AGBL4: variants seen among roughly 807,000 people sequenced by gnomAD.
AGBL4 encodes the protein AGBL carboxypeptidase 4, also known as cytosolic carboxypeptidase 6.
In AGBL4, 58 loss-of-function variants were observed where a neutral mutation model predicts 66.4. That is an observed-to-expected ratio of 0.87 (90% CI 0.71 to 1.09). AGBL4 has a LOEUF of 1.09. AGBL4 is among the 50% of genes least tolerant of loss of function. The pLI, the probability that AGBL4 is intolerant of heterozygous loss-of-function variation, is 0.00. For missense variants in AGBL4, 579 were observed against 631.0 expected, an observed-to-expected ratio of 0.92 and a Z score of 0.88; for synonymous variants, 234 against 222.9, an observed-to-expected ratio of 1.05 and a Z score of -0.44.
intron 3 of AGBL4, among the ~76,000 whole-genome samples, chr1:49,618,668 A>T (rs1194122358): frequency 6.6e-6 from 1 of 152,194 alleles, no homozygotes; most frequent in African/African-American, 2.4e-5. Flanking sequence ...CAACAACAAA[A>T]AAAGAGTATT....
chr1:49,260,256 G>A (rs1287283216), intron 3 of AGBL4, among the ~76,000 whole-genome samples: 1 of 151,638 alleles, frequency 6.6e-6, no homozygotes, highest in African/African-American at 2.4e-5. Context: ...AACTAGAAAA[G>A]CAAGAGCAAA....
chr1:49,037,355 G>C (rs551877482), intron 5 of AGBL4, among the ~76,000 whole-genome samples: 1 of 152,060 alleles, frequency 6.6e-6, no homozygotes, highest in African/African-American at 2.4e-5. Flanking sequence ...TTATCAGGAA[G>C]GTAAGCTGCC....
intron 3 of AGBL4, among the ~76,000 whole-genome samples, chr1:49,383,380 C>T (rs1306841294): frequency 1.3e-5 from 2 of 152,148 alleles, no homozygotes; most frequent in African/African-American, 4.8e-5. Context: ...AAGCCTGACA[C>T]TTTCTGAATT....
intron 3 of AGBL4, among the ~76,000 whole-genome samples, chr1:49,556,884 C>T (rs1021938876): frequency 3.9e-5 from 6 of 152,098 alleles, no homozygotes; most frequent in Admixed American, 6.5e-5. Flanking sequence ...AATTCAAGCG[C>T]GGCGCGGGTG....
chr1:48,800,528 C>A (rs1465272734), intron 6 of AGBL4, among the ~76,000 whole-genome samples: 9 of 152,092 alleles, frequency 5.9e-5, no homozygotes, highest in Non-Finnish European at 1.0e-4. Context: ...TTTTCTTCTG[C>A]TGGTTTTACA....
At chr1:50,012,468 T>C (rs2148439164) in intron 1 of AGBL4, among the ~76,000 whole-genome samples, 1 of 151,964 alleles carries the variant, frequency 6.6e-6, no homozygotes, top group African/African-American at 2.4e-5. Context: ...CTAATAAATA[T>C]ATACACCTAC....
At position 49,520,984 on chromosome 1, in the gene AGBL4, T is replaced by C. The variant is rs142464778; in HGVS notation, c.282+176329A>G. Reference sequence around the variant, plus strand: ...CCATCACACCCAACTAATTTTTGTATTTTTAGTAGACACGGGGTTTCACCA... The same window carrying C: ...CCATCACACCCAACTAATTTTTGTACTTTTAGTAGACACGGGGTTTCACCA... On this transcript the variant is annotated intron_variant, in intron 3 of 13. Coordinates refer to ENST00000371839, the MANE Select transcript of AGBL4 (RefSeq NM_032785.4). Among the ~76,000 whole-genome samples, 129 of 152,078 alleles carry C rather than the reference T, an allele frequency of 8.5e-4. 2 individuals carry two copies. In the East Asian group the frequency reaches 0.02, roughly 23 times the overall value.
chr1:48,850,670 A>G (rs1647013477), intron 6 of AGBL4, among the ~76,000 whole-genome samples: 1 of 152,092 alleles, frequency 6.6e-6, no homozygotes, highest in Admixed American at 6.5e-5. Context: ...GACTACTGGC[A>G]TGTGCCACAA....
At chr1:48,816,619 G>A (rs1285311621) in intron 6 of AGBL4, among the ~76,000 whole-genome samples, 1 of 152,134 alleles carries the variant, frequency 6.6e-6, no homozygotes, top group Non-Finnish European at 1.5e-5. Flanking sequence ...TTCCCTCAAG[G>A]ATTATGGTAA....
chr1:48,634,748 A>G (rs1645642841), intron 8 of AGBL4, 144 bp from the exon 9 acceptor site: 2 of 563,812 alleles, frequency 3.5e-6, no homozygotes, highest in Non-Finnish European at 6.1e-6. Flanking sequence ...AGTACTTTAT[A>G]TGAGTTAATT....
intron 3 of AGBL4, among the ~76,000 whole-genome samples, chr1:49,463,546 A>G (rs551003722): frequency 1.3e-5 from 2 of 151,876 alleles, no homozygotes; most frequent in Admixed American, 1.3e-4. Context: ...TTTTAAGATA[A>G]AAAGGATGTT....
At chr1:49,029,102 TG>T (rs1663989330) in intron 5 of AGBL4, among the ~76,000 whole-genome samples, 1 of 152,138 alleles carries the variant, frequency 6.6e-6, no homozygotes, top group African/African-American at 2.4e-5. Context: ...CCAAAGCTAA[TG>T]TCATATTTAA....
At chr1:49,337,294 G>A (rs1045307854) in intron 3 of AGBL4, among the ~76,000 whole-genome samples, 4 of 152,142 alleles carry the variant, frequency 2.6e-5, no homozygotes, top group African/African-American at 9.7e-5. Context: ...GCAGAGATCT[G>A]CAGACAGACA....
In AGBL4 at chr1:49,597,743, T is replaced by C. The variant is rs72901844; in HGVS notation, c.282+99570A>G. On this transcript the variant is annotated intron_variant, in intron 3 of 13. Transcript: ENST00000371839. The stretch of plus-strand genomic sequence containing the variant: ...GTCAAGATCTCCTTCACATCCCTTG[T>C]AGGTTGTATTTATAGGTATTTTATT... 8.7e-3 allele frequency among the ~76,000 whole-genome samples: 1,329 copies of C among 152,308 alleles called. 15 individuals are homozygous for C. The highest frequency in any genetic ancestry group is 0.031 in the African/African-American group (1,273 of 41,566).
intron 3 of AGBL4, among the ~76,000 whole-genome samples, chr1:49,486,993 A>G (rs1647081799): frequency 6.6e-6 from 1 of 152,076 alleles, no homozygotes; most frequent in South Asian, 2.1e-4. Flanking sequence ...TAGAAAATAT[A>G]TTAGTCAATA....
intron 5 of AGBL4, among the ~76,000 whole-genome samples, chr1:48,899,070 A>T (rs1421746349): frequency 6.6e-6 from 1 of 152,180 alleles, no homozygotes; most frequent in African/African-American, 2.4e-5. Flanking sequence ...GCTGGGCCTG[A>T]GGCGCTCGGC....
chr1:49,451,269 C>T (rs1646272500), intron 3 of AGBL4, among the ~76,000 whole-genome samples: 1 of 151,886 alleles, frequency 6.6e-6, no homozygotes, highest in African/African-American at 2.4e-5. Flanking sequence ...CTTCCAGACC[C>T]AAATCTAAAG....
chr1:48,877,336 G>A (rs906954849), intron 5 of AGBL4, among the ~76,000 whole-genome samples: 1 of 151,976 alleles, frequency 6.6e-6, no homozygotes, highest in Non-Finnish European at 1.5e-5. Context: ...TACCAAGAGG[G>A]CCTCGTTTTA....
At chr1:49,197,219 C>T (rs1392954910) in intron 4 of AGBL4, among the ~76,000 whole-genome samples, 1 of 152,160 alleles carries the variant, frequency 6.6e-6, no homozygotes, top group Non-Finnish European at 1.5e-5. Flanking sequence ...TTATAAATAG[C>T]TTTACTGTGG....
Sources: gnomAD v4.1 joint callset for allele counts (sites outside exome capture counted in the v4.1 genomes callset) on GRCh38, gnomAD v4.1.1 for gene constraint, MANE v1.5 for transcripts, NCBI Gene and HGNC (gene_info 2026-07-23, HGNC 2026-07-21) for gene names.